PDE10A: variants seen among roughly 807,000 people sequenced by gnomAD.
PDE10A encodes the protein cAMP and cAMP-inhibited cGMP 3',5'-cyclic phosphodiesterase 10A.
In PDE10A, 39 loss-of-function variants were observed where a neutral mutation model predicts 97.7. The observed-to-expected ratio is 0.40, with a 90% CI of 0.31 to 0.52. The LOEUF (loss-of-function observed/expected upper bound fraction) is 0.52. Ranked by LOEUF, PDE10A falls within the 20% of genes least tolerant of loss-of-function variation. PDE10A has a pLI of 0.56. For missense variants in PDE10A, 731 were observed against 1,047.8 expected (o/e 0.70, Z 4.17); for synonymous variants, 371 against 376.8 (o/e 0.98, Z 0.18).
intron 1 of PDE10A, among the ~76,000 whole-genome samples, chr6:165,673,479 C>G (rs561473922): frequency 3.9e-5 from 6 of 152,192 alleles, no homozygotes; most frequent in African/African-American, 9.7e-5. Context: ...AAAACCTCGC[C>G]GGAGCTGCTG....
chr6:165,835,188 T>A (rs1432164861), intron 1 of PDE10A, among the ~76,000 whole-genome samples: 1 of 152,222 alleles, frequency 6.6e-6, no homozygotes, highest in Non-Finnish European at 1.5e-5. Flanking sequence ...GTAACTCCCA[T>A]ACCTCCAGCC....
intron 1 of PDE10A, 131 bp from the exon 2 acceptor site, chr6:165,543,699 G>A (rs974843161): frequency 1.9e-5 from 12 of 637,848 alleles, no homozygotes; most frequent in South Asian, 1.0e-4. Flanking sequence ...TGGAAAGAGC[G>A]GGAAGGGGAA....
intron 2 of PDE10A, among the ~76,000 whole-genome samples, chr6:165,513,154 A>T (rs1387656072): frequency 2.0e-5 from 3 of 152,008 alleles, no homozygotes; most frequent in Non-Finnish European, 4.4e-5. Context: ...CTTTTTTCTA[A>T]GAAATTTTAG....
At chr6:165,519,246 C>G (rs563897758) in intron 2 of PDE10A, among the ~76,000 whole-genome samples, 2 of 151,942 alleles carry the variant, frequency 1.3e-5, no homozygotes, top group Admixed American at 6.6e-5. Context: ...CCGACTACCC[C>G]CAAGAGGAAG....
intron 1 of PDE10A, among the ~76,000 whole-genome samples, chr6:165,679,475 A>G (rs1347110482): frequency 6.6e-6 from 1 of 152,032 alleles, no homozygotes; most frequent in Admixed American, 6.5e-5. Context: ...ACCGGCCGCT[A>G]CCTCCCAGCC....
At chr6:165,624,362 T>C (rs1164713671) in intron 1 of PDE10A, among the ~76,000 whole-genome samples, 1 of 152,198 alleles carries the variant, frequency 6.6e-6, no homozygotes, top group Non-Finnish European at 1.5e-5. Context: ...CACTCTTTAT[T>C]TTCCAGGTTG....
At chr6:165,500,245 AG>A (rs1780787428) in intron 2 of PDE10A, among the ~76,000 whole-genome samples, 1 of 135,158 alleles carries the variant, frequency 7.4e-6, no homozygotes, top group Admixed American at 7.1e-5. Flanking sequence ...TAGATTGAAA[AG>A]GAAAAAAAAA....
At position 165,330,008 on chromosome 6, in the gene PDE10A, T is replaced by C; in HGVS notation, c.*3017A>G. ...CCCTTTTCTAATTAATCAATTCACA[T>C]TGCCCGAATTCAATATTCCATGTTA... On this transcript the variant is annotated 3_prime_UTR_variant, in exon 22 of 22. Transcript: ENST00000539869. The C allele has an allele frequency of 6.6e-6, 1 of 152,212 alleles. No homozygotes were observed. Among genetic ancestry groups the C allele is most frequent in the East Asian group, 1.9e-4 (1 of 5,198 alleles). The allele number at this position is 152,212 out of a possible 1,614,324, so 9.4% of individuals were successfully genotyped here.
chr6:165,911,812 A>T (rs1782464327), intron 1 of PDE10A, among the ~76,000 whole-genome samples: 1 of 152,130 alleles, frequency 6.6e-6, no homozygotes, highest in Non-Finnish European at 1.5e-5. Context: ...AGGAGCACAG[A>T]GCCAGCACCC....
In PDE10A at chr6:165,655,838, G is replaced by A. The variant is rs75796379; in HGVS notation, c.865+6109C>T. 0.031 allele frequency among the ~76,000 whole-genome samples: 4,749 copies of A among 152,124 alleles called. 76 individuals are homozygous for A. The highest frequency in any genetic ancestry group is 0.038 in the African/African-American group (1,568 of 41,490). On this transcript the variant is annotated intron_variant, in intron 1 of 21. Transcript: ENST00000539869. The surrounding 1 kb of genome is among the most constrained non-coding windows in gnomAD (Gnocchi z 4.5). The stretch of plus-strand genomic sequence containing the variant: ...TTGCCACTTCACTTGCCACTGCCTG[G>A]TGGGCTCAGCTCCAGCACGGCCGTC...
chr6:165,604,047 C>G (rs1161170322), intron 1 of PDE10A, among the ~76,000 whole-genome samples: 1 of 152,008 alleles, frequency 6.6e-6, no homozygotes, highest in Non-Finnish European at 1.5e-5. Context: ...TAGGATTAGC[C>G]AAGAAAAATA....
chr6:165,742,556 T>C (rs958816155), intron 1 of PDE10A, among the ~76,000 whole-genome samples: 2 of 152,126 alleles, frequency 1.3e-5, no homozygotes, highest in Non-Finnish European at 2.9e-5. Context: ...GACAGCAGCA[T>C]GGCAGGTGGG....
At chr6:165,613,353 T>C (rs1175690318) in intron 1 of PDE10A, among the ~76,000 whole-genome samples, 3 of 152,110 alleles carry the variant, frequency 2.0e-5, no homozygotes, top group African/African-American at 7.2e-5. Flanking sequence ...TAAAACACTA[T>C]TATTTGGCCA....
chr6:165,523,842 G>A (rs2128309950), intron 2 of PDE10A, among the ~76,000 whole-genome samples: 1 of 152,280 alleles, frequency 6.6e-6, no homozygotes, highest in East Asian at 1.9e-4. Flanking sequence ...AATACTAAGT[G>A]TCAACTTGAT....
At chr6:165,981,578 G>C (rs1002886611) in intron 1 of PDE10A, among the ~76,000 whole-genome samples, 2 of 152,186 alleles carry the variant, frequency 1.3e-5, no homozygotes, top group African/African-American at 2.4e-5. Context: ...CATTCTGCAG[G>C]CTTCATTCTT....
chr6:165,637,728 C>T (rs1214905728), intron 1 of PDE10A, among the ~76,000 whole-genome samples: 1 of 152,150 alleles, frequency 6.6e-6, no homozygotes, highest in Non-Finnish European at 1.5e-5. Flanking sequence ...CGACCCAGGA[C>T]CCAAGTTTCC....
intron 1 of PDE10A, among the ~76,000 whole-genome samples, chr6:165,748,823 T>A (rs1792901531): frequency 6.6e-6 from 1 of 151,940 alleles, no homozygotes; most frequent in Non-Finnish European, 1.5e-5. Context: ...TGTGTGTGTG[T>A]GTGTGTGTGT....
intron 1 of PDE10A, among the ~76,000 whole-genome samples, chr6:165,558,382 A>C (rs535876955): frequency 1.6e-4 from 25 of 152,060 alleles, no homozygotes; most frequent in African/African-American, 6.0e-4. Context: ...TATGTTCTCA[A>C]TCATAGGTGG....
chr6:165,336,755 CAAAAAAAAAA>C (rs776243789), intron 20 of PDE10A, among the ~76,000 whole-genome samples: 27 of 50,490 alleles, frequency 5.3e-4, no homozygotes, highest in African/African-American at 1.3e-3. Context: ...GACTCCGTCT[CAAAAAAAAAA>C]AAAAAAAAAA....
Sources: gnomAD v4.1 joint callset for allele counts (sites outside exome capture counted in the v4.1 genomes callset) on GRCh38, gnomAD v4.1.1 for gene constraint, Gnocchi (gnomAD v3.1) non-coding constraint, MANE v1.5 for transcripts, NCBI Gene and HGNC (gene_info 2026-07-23, HGNC 2026-07-21) for gene names.